Variants in TMC6 observed in about 807,000 individuals in gnomAD.
TMC6 encodes the protein transmembrane channel-like protein 6.
TMC6 carries 71 observed loss-of-function variants against 95.4 expected under a neutral mutation model. The ratio of observed to expected loss-of-function variants is 0.74; its 90% CI spans 0.61 to 0.91. The LOEUF is 0.91. Ranked by LOEUF, TMC6 falls within the 40% of genes least tolerant of loss-of-function variation. The probability of loss-of-function intolerance (pLI) is 0.00; values close to 1 mark genes in which losing one functional copy is unlikely to be tolerated. For missense variants in TMC6, 1,074 were observed against 1,079.1 expected (o/e 1.00, Z 0.07); for synonymous variants, 514 against 483.1 (o/e 1.06, Z -0.84).
rs1035850509 is a variant in TMC6 at position 78,117,181 on chromosome 17, A to C, written c.2277+88T>G. On this transcript the variant is annotated intron_variant, in intron 18 of 19. Coordinates refer to ENST00000590602, the MANE Select transcript of TMC6 (RefSeq NM_001127198.5). ...AACCCTTTCACCAGCCAAGGCCCAC[A>C]GGAGATGTACAGGGGAGTGGAGGGG... The C allele has an allele frequency of 1.3e-4, 178 of 1,392,138 alleles. No homozygotes were observed. The African/African-American group carries it at 1.8e-3, about 14-fold the overall frequency. 86.2% of individuals were successfully genotyped at this position (1,392,138 alleles called of 1,614,324 possible). A position where few individuals can be genotyped will look rare whatever the true frequency, so the allele number is the denominator to read the frequency against.
rs1196992402 is a variant in TMC6, at chr17:78,124,056, T to C, written c.1015A>G (p.Met339Val). The change falls in exon 9 of 20, where the codon ATG becomes GTG. Residue 339 changes from methionine (M) to valine (V), a missense_variant. By Grantham distance (21) the Met-to-Val change is conservative. Coordinates refer to ENST00000590602, the MANE Select transcript of TMC6 (RefSeq NM_001127198.5). ...ACAGTGGAGAGGTAGGCCAGGGGCA[T>C]GTTGTAGGGCAGGCCACCCACCCTG... is the stretch of plus-strand genomic sequence containing the variant. ...TPRVGGLPYN[M>V]PLAYLSTVGV... The C allele has an allele frequency of 1.2e-6, 2 of 1,613,416 alleles. No homozygotes were observed. The highest frequency in any genetic ancestry group is 1.7e-5 in the Admixed American group (1 of 59,990).
chr17:78,126,095 T>G (rs1407869722), intron 4 of TMC6, 182 bp downstream of exon 4: 1 of 1,114,446 alleles, frequency 9.0e-7, no homozygotes, highest in Non-Finnish European at 1.3e-6. Context: ...GAGGGCCACA[T>G]GGGGCTGTGC....
At chr17:78,125,931 C>T in intron 4 of TMC6, 47 bp from the exon 5 acceptor site, 1 of 1,549,032 alleles carries the variant, frequency 6.5e-7, no homozygotes, top group East Asian at 2.4e-5. Flanking sequence ...GCCAGGCCTC[C>T]CTCCCCTCAG....
chr17:78,124,877 AG>A lies in TMC6; in HGVS notation c.633+11del. ...AGCCGCCCCAGCCCCAGGGCAGACC[AG>A]GGGCCCATACCAGCACGCAGGCATA... On this transcript the variant is annotated intron_variant, in intron 7 of 19. Transcript: ENST00000590602. The A allele has an allele frequency of 6.3e-7, 1 of 1,594,032 alleles. No homozygotes were observed.
At chr17:78,114,357 C>G (rs1183222543) in intron 18 of TMC6, among the ~76,000 whole-genome samples, 3 of 152,170 alleles carry the variant, frequency 2.0e-5, no homozygotes, top group Non-Finnish European at 4.4e-5. Context: ...AGGGCCATCT[C>G]CTATCCAAAG....
chr17:78,119,964 A>C, intron 13 of TMC6: 1 of 362,554 alleles, frequency 2.8e-6, no homozygotes, highest in Non-Finnish European at 5.3e-6. Flanking sequence ...TGATTTTTTT[A>C]ATCTTATTTT....
chr17:78,116,454 A>C (rs1393264270), intron 18 of TMC6, among the ~76,000 whole-genome samples: 1 of 151,306 alleles, frequency 6.6e-6, no homozygotes, highest in Non-Finnish European at 1.5e-5. Flanking sequence ...TAAAATTTTT[A>C]TAGAGACGAG....
chr17:78,122,430 A>G lies in TMC6; in HGVS notation c.1227+175T>C. 1.1e-6 allele frequency: 1 copy of G among 934,820 alleles called. No individual in the cohort carries two copies. The highest frequency in any genetic ancestry group is 1.6e-6 in the Non-Finnish European group (1 of 637,398). 57.9% of individuals were successfully genotyped at this position (934,820 alleles called of 1,614,324 possible). The stretch of plus-strand genomic sequence containing the variant: ...ATGGGTGTGTGCCAGAGAAAAACTC[A>G]GGGCCTGCCCGTCACTGCAAGCAGA... On this transcript the variant is annotated intron_variant, in intron 10 of 19. Transcript: ENST00000590602. The surrounding 1 kb of genome is among the most constrained non-coding windows in gnomAD (Gnocchi z 4.9).
rs947306240 is a variant in TMC6 at position 78,113,536 on chromosome 17, A to T, written c.2354+12T>A. ...GGCTCAGAGTGTCCCCAATCCCTCC[A>T]CGGACCCTCACCTGCTCCTCTCCTC... On this transcript the variant is annotated intron_variant, in intron 19 of 19. Coordinates refer to ENST00000590602, the MANE Select transcript of TMC6 (RefSeq NM_001127198.5). 1.2e-6 allele frequency: 2 copies of T among 1,613,556 alleles called. No individual in the cohort carries two copies. Among genetic ancestry groups the T allele is most frequent in the African/African-American group, 2.7e-5 (2 of 74,816 alleles).
chr17:78,130,363 C>T (rs1276988894), upstream of TMC6, among the ~76,000 whole-genome samples: 2 of 152,204 alleles, frequency 1.3e-5, no homozygotes, highest in Non-Finnish European at 2.9e-5. Context: ...CCCCTGTGCC[C>T]CCACCGTTCC....
Position 78,111,801 on chromosome 17 carries a change from G to A in TMC6, c.*1347C>T, listed in dbSNP as rs573443336. 424 of 202,620 alleles carry A rather than the reference G, an allele frequency of 2.1e-3. 1 individual carries two copies. The highest frequency in any genetic ancestry group is 3.1e-3 in the Non-Finnish European group (298 of 97,486). The allele number at this position is 202,620 out of a possible 1,614,324, so 12.6% of individuals were successfully genotyped here. A position where few individuals can be genotyped will look rare whatever the true frequency, so the allele number is the denominator to read the frequency against. ...CGCTCTTTGACCATTTCCCCACCTG[G>A]GTTCATTCCCCCAATCCCAAGCGCA... On this transcript the variant is annotated 3_prime_UTR_variant, in exon 20 of 20. Transcript: ENST00000590602.
At chr17:78,117,986 C>A (rs771206662) in intron 15 of TMC6, 51 bp from the exon 16 acceptor site, 3 of 1,566,874 alleles carry the variant, frequency 1.9e-6, no homozygotes, top group South Asian at 2.3e-5. Context: ...CTCAGCACCC[C>A]TCCAAGCCCT....
At position 78,119,387 on chromosome 17, in the gene TMC6, A is replaced by G. The variant is rs758568448; in HGVS notation, c.1721T>C (p.Ile574Thr). 2 of 1,612,806 alleles carry G rather than the reference A, an allele frequency of 1.2e-6. No individual in the cohort carries two copies. The highest frequency in any genetic ancestry group is 1.1e-5 in the South Asian group (1 of 91,018). Residue 574 changes from isoleucine (I) to threonine (T), a missense_variant, in exon 14 of 20, where the codon ATC (isoleucine) becomes ACC (threonine). By Grantham distance (89) the Ile-to-Thr change is moderately conservative. Transcript: ENST00000590602. ...CCTCCTCTTCAGCTTCTTCTCGGAG[A>G]TAATCCTGCCTCCGAGGACCCCGGA... ...TLFGELVWRI[I>T]SEKKLKRRRK...
At position 78,124,659 on chromosome 17, in the gene TMC6, G is replaced by C. The variant is rs2074604295; in HGVS notation, c.756C>G (p.Leu252=). 3.1e-6 allele frequency: 5 copies of C among 1,611,130 alleles called. No homozygotes were observed. Among genetic ancestry groups the C allele is most frequent in the Non-Finnish European group, 4.2e-6 (5 of 1,179,126 alleles). The change falls in exon 8 of 20, where the codon CTC becomes CTG. Residue 252 remains leucine (L), a synonymous_variant. Transcript: ENST00000590602. The part of the protein sequence containing the change: ...GSSVLSYFLF[L]KTLLAFNALL... ...GGGCATTGAAAGCCAGCAGGGTCTT[G>C]AGAAAGAGGAAGTAGGAGAGCACGC...
chr17:78,124,999 C>G lies in TMC6; in HGVS notation c.537-14G>C. The G allele has an allele frequency of 4.4e-6, 7 of 1,575,274 alleles. No homozygotes were observed. The highest frequency in any genetic ancestry group is 6.0e-6 in the Non-Finnish European group (7 of 1,163,872). On this transcript the variant is annotated splice_polypyrimidine_tract_variant and intron_variant, in intron 6 of 19. Transcript: ENST00000590602. Reference sequence around the variant, plus strand: ...CTGCTCTTCTCTCTGGGGACAGAGGCAGCCATAGGTGCCTGGACCAATGAG... The same window carrying G: ...CTGCTCTTCTCTCTGGGGACAGAGGGAGCCATAGGTGCCTGGACCAATGAG...
Position 78,121,081 on chromosome 17 carries a change from C to T in TMC6, c.1467G>A (p.Leu489=). The change falls in exon 12 of 20, where the codon CTG becomes CTA. Residue 489 remains leucine (L), a synonymous_variant. Coordinates refer to ENST00000590602, the MANE Select transcript of TMC6 (RefSeq NM_001127198.5). The surrounding 1 kb of genome is among the most constrained non-coding windows in gnomAD (Gnocchi z 5.6). The part of the protein sequence containing the change: ...VGLLNLGAPY[L]CRVLAALEPH... ...GCTCCAGGGCGGCCAGGACACGGCA[C>T]AGGTAGGGGGCCCCCAGGTTGAGGA... 1.2e-6 allele frequency: 2 copies of T among 1,613,022 alleles called. No homozygotes were observed. Among genetic ancestry groups the T allele is most frequent in the Non-Finnish European group, 1.7e-6 (2 of 1,179,930 alleles).
Position 78,124,796 on chromosome 17 carries a change from A to G in TMC6, c.634-15T>C. 28 of 1,579,664 alleles carry G rather than the reference A, an allele frequency of 1.8e-5. No individual in the cohort carries two copies. The highest frequency in any genetic ancestry group is 2.4e-5 in the Non-Finnish European group (28 of 1,163,590). Reference sequence around the variant, plus strand: ...CTGTGCAAGGCCTGCGGGCACAGGCAGAGAGGCCCTGAGGGTGAGGCCGGA... The same window carrying G: ...CTGTGCAAGGCCTGCGGGCACAGGCGGAGAGGCCCTGAGGGTGAGGCCGGA... On this transcript the variant is annotated splice_polypyrimidine_tract_variant and intron_variant, in intron 7 of 19. Transcript: ENST00000590602.
intron 18 of TMC6, among the ~76,000 whole-genome samples, chr17:78,115,301 C>T (rs1378834755): frequency 1.3e-5 from 2 of 152,228 alleles, no homozygotes; most frequent in African/African-American, 2.4e-5. Context: ...TTGGCAGACG[C>T]CAGCCGCTGA....
At chr17:78,114,132 A>G (rs2073933998) in intron 18 of TMC6, among the ~76,000 whole-genome samples, 2 of 152,212 alleles carry the variant, frequency 1.3e-5, no homozygotes, top group Non-Finnish European at 2.9e-5. Context: ...AAGCATGATC[A>G]GGGCTACATT....
Sources: gnomAD v4.1 joint callset for allele counts (sites outside exome capture counted in the v4.1 genomes callset) on GRCh38, gnomAD v4.1.1 for gene constraint, Gnocchi (gnomAD v3.1) non-coding constraint, MANE v1.5 for transcripts, NCBI Gene and HGNC (gene_info 2026-07-23, HGNC 2026-07-21) for gene names.